The following XKR6 variants were observed in gnomAD, a reference collection of about 807,000 sequenced individuals.
XKR6 encodes the protein XK related 6, also known as XK-related protein 6.
A neutral mutation model predicts 56.7 loss-of-function variants in XKR6; 22 were observed. The ratio of observed to expected loss-of-function variants is 0.39; its 90% CI spans 0.28 to 0.55. The LOEUF (loss-of-function observed/expected upper bound fraction) is 0.55. Among genes scored for constraint, XKR6 ranks in the 20% least tolerant of loss-of-function variants. The pLI is 0.66. For synonymous variants in XKR6, 524 were observed against 387.8 expected, an observed-to-expected ratio of 1.35 and a Z score of -4.13; for missense variants, 852 against 889.0, an observed-to-expected ratio of 0.96 and a Z score of 0.53.
Position 10,897,822 on chromosome 8 carries a change from T to G in XKR6, c.*130A>C. On this transcript the variant is annotated 3_prime_UTR_variant, in exon 3 of 3. Transcript: ENST00000416569. ...TTCTTTTTTTTTTGTAGTGGTGGTG[T>G]TGGTGTGGCGGTGTTGGTGGTGGTG... The G allele has an allele frequency of 4.3e-6, 5 of 1,160,898 alleles. No individual in the cohort carries two copies. Among genetic ancestry groups the G allele is most frequent in the African/African-American group, 1.5e-5 (1 of 65,134 alleles). The allele number at this position is 1,160,898 out of a possible 1,614,324, so 71.9% of individuals were successfully genotyped here. A position where few individuals can be genotyped will look rare whatever the true frequency, so the allele number is the denominator to read the frequency against.
At chr8:11,154,334 T>C (rs939571882) in intron 1 of XKR6, among the ~76,000 whole-genome samples, 4 of 152,180 alleles carry the variant, frequency 2.6e-5, no homozygotes, top group Non-Finnish European at 5.9e-5. Flanking sequence ...AGAGATTCCT[T>C]GGTTGGCAAC....
At chr8:11,066,722 T>G (rs959405149) in intron 1 of XKR6, 11 of 152,162 alleles carry the variant, frequency 7.2e-5, no homozygotes, top group African/African-American at 2.4e-4. Flanking sequence ...TTACAATCAT[T>G]GTGGCCATTT....
At chr8:10,937,937 A>C (rs1000566845) in intron 1 of XKR6, among the ~76,000 whole-genome samples, 221 of 151,344 alleles carry the variant, frequency 1.5e-3, no homozygotes, top group African/African-American at 5.0e-3. Context: ...ACCCAGTTCG[A>C]GCTTCCCGGC....
chr8:10,925,460 T>C (rs1586312899), intron 1 of XKR6, among the ~76,000 whole-genome samples: 2 of 152,044 alleles, frequency 1.3e-5, no homozygotes, highest in East Asian at 3.9e-4. Flanking sequence ...CTGGACACCC[T>C]CCCTGGACAT....
chr8:11,145,082 T>C (rs926948863), intron 1 of XKR6, among the ~76,000 whole-genome samples: 3 of 151,790 alleles, frequency 2.0e-5, no homozygotes, highest in African/African-American at 7.3e-5. Flanking sequence ...CCTGAGTATC[T>C]CTAATCTGAA....
intron 1 of XKR6, among the ~76,000 whole-genome samples, chr8:11,126,299 C>A (rs1799792714): frequency 6.6e-6 from 1 of 152,238 alleles, no homozygotes; most frequent in East Asian, 1.9e-4. Flanking sequence ...AACTCCTGAC[C>A]TTGTGATCCG....
chr8:11,079,187 C>G (rs1236022733), intron 1 of XKR6, among the ~76,000 whole-genome samples: 1 of 152,162 alleles, frequency 6.6e-6, no homozygotes, highest in East Asian at 1.9e-4. Context: ...CAGGAGATAC[C>G]AGGGGGCAGA....
chr8:10,937,958 A>C (rs1586327453), intron 1 of XKR6, among the ~76,000 whole-genome samples: 1 of 150,798 alleles, frequency 6.6e-6, no homozygotes, highest in Non-Finnish European at 1.5e-5. Flanking sequence ...TGCTTTGTTT[A>C]CCTAAGCAAG....
rs1050336900 is a variant in XKR6 at position 11,168,543 on chromosome 8, G to C, written c.764+32033C>G. ...ATTTGTACAACACATAAACCAACTAGATCTAACAGACATATACAGAACATT... is the reference window on the plus strand; with the variant it reads ...ATTTGTACAACACATAAACCAACTACATCTAACAGACATATACAGAACATT... On this transcript the variant is annotated intron_variant, in intron 1 of 2. Coordinates refer to ENST00000416569, the MANE Select transcript of XKR6 (RefSeq NM_173683.4). Among the ~76,000 whole-genome samples the C allele has an allele frequency of 3.9e-5, 6 of 152,154 alleles. No individual in the cohort carries two copies. In the South Asian group the frequency reaches 6.2e-4, roughly 16 times the overall value.
intron 1 of XKR6, among the ~76,000 whole-genome samples, chr8:11,180,283 T>G (rs1374847248): frequency 6.6e-6 from 1 of 152,226 alleles, no homozygotes. Flanking sequence ...GCATAAAGAA[T>G]GGCTGGAACC....
chr8:11,066,057 TCC>T (rs1372699733), intron 1 of XKR6, among the ~76,000 whole-genome samples: 2 of 152,220 alleles, frequency 1.3e-5, no homozygotes. Context: ...TTCTTTGGCA[TCC>T]CCCAAATGCA....
At chr8:11,003,011 AC>A (rs1163585976) in intron 1 of XKR6, among the ~76,000 whole-genome samples, 2 of 151,836 alleles carry the variant, frequency 1.3e-5, no homozygotes, top group African/African-American at 4.8e-5. Context: ...AAAAAAAAAA[AC>A]CTCCAATCTA....
intron 1 of XKR6, among the ~76,000 whole-genome samples, chr8:10,978,580 C>A (rs1174729091): frequency 6.6e-6 from 1 of 152,190 alleles, no homozygotes; most frequent in Non-Finnish European, 1.5e-5. Context: ...GAAACAGGCA[C>A]CCCAAGACAC....
intron 1 of XKR6, among the ~76,000 whole-genome samples, chr8:11,154,477 C>A (rs779087977): frequency 6.6e-6 from 1 of 152,148 alleles, no homozygotes; most frequent in Non-Finnish European, 1.5e-5. Flanking sequence ...TTCCTTTGAT[C>A]TGTATCTTTT....
Position 11,146,558 on chromosome 8 carries a change from G to A in XKR6, c.764+54018C>T, listed in dbSNP as rs143410870. Among the ~76,000 whole-genome samples, 47 of 147,500 alleles carry A rather than the reference G, an allele frequency of 3.2e-4. 1 individual carries two copies. The highest frequency in any genetic ancestry group is 1.1e-3 in the African/African-American group (44 of 40,994). ...TTGGGGGGATCACCTGAGCCTAGGA[G>A]AGAGAGGCTGCAGTGAGTCAATATC... On this transcript the variant is annotated intron_variant, in intron 1 of 2. Coordinates refer to ENST00000416569, the MANE Select transcript of XKR6 (RefSeq NM_173683.4).
chr8:11,027,695 A>T (rs1749533627), intron 1 of XKR6, among the ~76,000 whole-genome samples: 1 of 152,240 alleles, frequency 6.6e-6, no homozygotes, highest in African/African-American at 2.4e-5. Flanking sequence ...GTCTACTGGC[A>T]GTGTGGCCTG....
chr8:10,967,064 G>A (rs1271767238), intron 1 of XKR6, among the ~76,000 whole-genome samples: 1 of 152,138 alleles, frequency 6.6e-6, no homozygotes, highest in Non-Finnish European at 1.5e-5. Context: ...CTGCACCCCT[G>A]CATCTGCTGA....
rs553066861 is a variant in XKR6, at chr8:11,094,162, A to G, written c.764+106414T>C. ...TCATATCCTAGATCCACTGAATCAGAAAACGTTTTTTAAAAAGACTTTCCA... is the reference window on the plus strand; with the variant it reads ...TCATATCCTAGATCCACTGAATCAGGAAACGTTTTTTAAAAAGACTTTCCA... On this transcript the variant is annotated intron_variant, in intron 1 of 2. Transcript: ENST00000416569. Among the ~76,000 whole-genome samples, 32 of 151,666 alleles carry G rather than the reference A, an allele frequency of 2.1e-4. 1 individual carries two copies. In the South Asian group the frequency reaches 6.0e-3, roughly 29 times the overall value.
At chr8:11,134,969 C>T (rs1471367952) in intron 1 of XKR6, among the ~76,000 whole-genome samples, 1 of 151,572 alleles carries the variant, frequency 6.6e-6, no homozygotes, top group East Asian at 1.9e-4. Flanking sequence ...AGGCTGGCTA[C>T]AAATTTTGAT....
Sources: allele counts gnomAD v4.1 joint callset (sites outside exome capture counted in the v4.1 genomes callset), GRCh38; gene constraint gnomAD v4.1.1; transcripts MANE v1.5; gene names NCBI Gene and HGNC (gene_info 2026-07-23, HGNC 2026-07-21).